GPSM3: variants seen among roughly 807,000 people sequenced by gnomAD.
GPSM3 encodes G protein signaling modulator 3.
A neutral mutation model predicts 20.4 loss-of-function variants in GPSM3; 16 were observed. The ratio of observed to expected loss-of-function variants is 0.78; its 90% CI spans 0.53 to 1.19. GPSM3 has a LOEUF of 1.19. GPSM3 is among the 50% of genes most tolerant of loss of function. The probability of loss-of-function intolerance (pLI) is 0.00; values close to 1 mark genes in which losing one functional copy is unlikely to be tolerated. For synonymous variants in GPSM3, 70 were observed against 79.6 expected, an observed-to-expected ratio of 0.88 and a Z score of 0.64; for missense variants, 177 against 204.6, an observed-to-expected ratio of 0.86 and a Z score of 0.82.
At position 32,192,392 on chromosome 6, in the gene GPSM3, TGTCCCTACATTTCTGCCCCAG is replaced by T; in HGVS notation, c.42+59_42+79del. The stretch of plus-strand genomic sequence containing the variant: ...TTGCCCAAGCCTTTCAAGGCCCCTG[TGTCCCTACATTTCTGCCCCAG>T]GTCCTCTCACCTCCCTTCTTTCCCA... On this transcript the variant is annotated intron_variant, in intron 1 of 3. Coordinates refer to ENST00000375040, the MANE Select transcript of GPSM3 (RefSeq NM_001276501.2). This position sits in a 1 kb window ranked among gnomAD's most constrained non-coding sequence, Gnocchi z 5.1. 36 of 1,474,846 alleles carry T rather than the reference TGTCCCTACATTTCTGCCCCAG, an allele frequency of 2.4e-5. No homozygotes were observed. The highest frequency in any genetic ancestry group is 3.2e-5 in the Non-Finnish European group (35 of 1,079,154). 91.4% of individuals were successfully genotyped at this position (1,474,846 alleles called of 1,614,324 possible). A position where few individuals can be genotyped will look rare whatever the true frequency, so the allele number is the denominator to read the frequency against.
rs975485010 is a variant in GPSM3 at position 32,191,496 on chromosome 6, C to T, written c.353G>A (p.Arg118Gln). Residue 118 changes from arginine (R) to glutamine (Q), a missense_variant, in exon 4 of 4, where the codon CGG becomes CAG. Arg to Gln is a conservative substitution (Grantham distance 43). Coordinates refer to ENST00000375040, the MANE Select transcript of GPSM3 (RefSeq NM_001276501.2). This position sits in a 1 kb window ranked among gnomAD's most constrained non-coding sequence, Gnocchi z 5.9. ...YSTILSHQCQ[R>Q]MEAQRSEPPL... ...AGGCTCTGACCGCTGGGCTTCCATC[C>T]GCTGGCACTGGAGGAGTGGAGGGAG... 4.5e-6 allele frequency: 7 copies of T among 1,559,764 alleles called. No homozygotes were observed. The highest frequency in any genetic ancestry group is 2.3e-5 in the East Asian group (1 of 43,788).
rs745800137 is a variant in GPSM3 at position 32,191,696 on chromosome 6, G to A, written c.345+13C>T. The A allele has an allele frequency of 7.5e-5, 119 of 1,589,624 alleles. No homozygotes were observed. The highest frequency in any genetic ancestry group is 9.4e-5 in the Non-Finnish European group (109 of 1,164,516). On this transcript the variant is annotated intron_variant, in intron 3 of 3. Transcript: ENST00000375040. This position sits in a 1 kb window ranked among gnomAD's most constrained non-coding sequence, Gnocchi z 5.9. ...CAGGAGGCCTGGGTTTGCCTCCTGG[G>A]GGGATGTCTTACCTGGTGACTGAGG...
chr6:32,191,571 A>C lies in GPSM3; in HGVS notation c.346-68T>G, dbSNP rs1787515084. On this transcript the variant is annotated intron_variant, in intron 3 of 3. Coordinates refer to ENST00000375040, the MANE Select transcript of GPSM3 (RefSeq NM_001276501.2). The surrounding 1 kb of genome is among the most constrained non-coding windows in gnomAD (Gnocchi z 5.9). The stretch of plus-strand genomic sequence containing the variant: ...AGAGGAGGAGGTTCTTGAGAGGATC[A>C]AGGGTTGGTATGGGGAGGCATATAG... 1.3e-6 allele frequency: 2 copies of C among 1,514,918 alleles called. No individual in the cohort carries two copies. Among genetic ancestry groups the C allele is most frequent in the South Asian group, 2.6e-5 (2 of 76,050 alleles). The allele number at this position is 1,514,918 out of a possible 1,614,324, so 93.8% of individuals were successfully genotyped here.
Position 32,192,277 on chromosome 6 carries a change from TCAAGC to T in GPSM3, c.43-32_43-28del. ...TGATGCCAAAATATGTCCATTCTAG[TCAAGC>T]AGTGGTGGTTGAAGCGGGAGGAGTG... On this transcript the variant is annotated intron_variant, in intron 1 of 3. Coordinates refer to ENST00000375040, the MANE Select transcript of GPSM3 (RefSeq NM_001276501.2). This position sits in a 1 kb window ranked among gnomAD's most constrained non-coding sequence, Gnocchi z 5.1. The T allele has an allele frequency of 6.6e-7, 1 of 1,503,966 alleles. No homozygotes were observed. The allele number at this position is 1,503,966 out of a possible 1,614,324, so 93.2% of individuals were successfully genotyped here.
At position 32,192,331 on chromosome 6, in the gene GPSM3, C is replaced by T. The variant is rs545169802; in HGVS notation, c.43-81G>A. 17 of 1,346,710 alleles carry T rather than the reference C, an allele frequency of 1.3e-5. No homozygotes were observed. The highest frequency in any genetic ancestry group is 2.4e-5 in the East Asian group (1 of 40,984). The allele number at this position is 1,346,710 out of a possible 1,614,324, so 83.4% of individuals were successfully genotyped here. On this transcript the variant is annotated intron_variant, in intron 1 of 3. Transcript: ENST00000375040. This position sits in a 1 kb window ranked among gnomAD's most constrained non-coding sequence, Gnocchi z 5.1. ...TGGACAGGGGGCTAGGCCAGTGGCC[C>T]GTTTCCTCTCTGTGTGTCTCTGTTC...
chr6:32,192,687 C>A, upstream of GPSM3: 1 of 469,492 alleles, frequency 2.1e-6, no homozygotes, highest in Non-Finnish European at 3.8e-6. This position sits in a 1 kb window ranked among gnomAD's most constrained non-coding sequence, Gnocchi z 5.1. Flanking sequence ...ACGGGCCCCG[C>A]CCATCCCTGT....
Position 32,191,455 on chromosome 6 carries a change from C to A in GPSM3, c.394G>T (p.Gly132Trp). ...QRSEPPLPPG[G>W]QELLELLLRV... ...AGCAGCAACTCCAGGAGCTCTTGCC[C>A]CCCTGGAGGGAGGGGAGGCTCTGAC... is the stretch of plus-strand genomic sequence containing the variant. The change falls in exon 4 of 4, where the codon GGG becomes TGG. Residue 132 changes from glycine (G) to tryptophan (W), a missense_variant. Transcript: ENST00000375040. The surrounding 1 kb of genome is among the most constrained non-coding windows in gnomAD (Gnocchi z 5.9). 3 of 1,587,518 alleles carry A rather than the reference C, an allele frequency of 1.9e-6. No individual in the cohort carries two copies. The highest frequency in any genetic ancestry group is 2.6e-6 in the Non-Finnish European group (3 of 1,168,480).
chr6:32,191,409 C>T lies in GPSM3; in HGVS notation c.440G>A (p.Arg147Gln), dbSNP rs771764802. 1.3e-6 allele frequency: 2 copies of T among 1,590,350 alleles called. No individual in the cohort carries two copies. Among genetic ancestry groups the T allele is most frequent in the Non-Finnish European group, 1.7e-6 (2 of 1,171,222 alleles). ...GGGCCGGGACCTTTGCTCCTCCATTCGACCCCCACCCTGAACTCTCAGCAG... is the reference window on the plus strand; with the variant it reads ...GGGCCGGGACCTTTGCTCCTCCATTTGACCCCCACCCTGAACTCTCAGCAG... ...ELLLRVQGGG[R>Q]MEEQRSRPPT... The change falls in exon 4 of 4, where the codon CGA (arginine) becomes CAA (glutamine). Residue 147 changes from arginine (R) to glutamine (Q), a missense_variant. Physicochemically the swap from Arg to Gln is conservative, Grantham distance 43. Transcript: ENST00000375040. The surrounding 1 kb of genome is among the most constrained non-coding windows in gnomAD (Gnocchi z 5.9).
Position 32,191,267 on chromosome 6 carries a change from T to C in GPSM3, c.*99A>G. 7.3e-7 allele frequency: 1 copy of C among 1,371,172 alleles called. No homozygotes were observed. 84.9% of individuals were successfully genotyped at this position (1,371,172 alleles called of 1,614,324 possible). On this transcript the variant is annotated 3_prime_UTR_variant, in exon 4 of 4. Coordinates refer to ENST00000375040, the MANE Select transcript of GPSM3 (RefSeq NM_001276501.2). The surrounding 1 kb of genome is among the most constrained non-coding windows in gnomAD (Gnocchi z 5.9). ...AATATTGAGATTTGTGCCGTGTCTT[T>C]CAGTCTCTGGTACCCCTGCCAAGCA...
Position 32,191,439 on chromosome 6 carries a change from TC to T in GPSM3, c.409del (p.Glu137SerfsTer4). ...CCCACCCTGAACTCTCAGCAGCAAC[TC>T]CAGGAGCTCTTGCCCCCCTGGAGGG... The part of the protein sequence containing the change: ...PLPPGGQELL[E>X]LLLRVQGGGR... On this transcript the variant is annotated frameshift_variant, in exon 4 of 4. Coordinates refer to ENST00000375040, the MANE Select transcript of GPSM3 (RefSeq NM_001276501.2). LOFTEE classifies it high-confidence loss of function. The surrounding 1 kb of genome is among the most constrained non-coding windows in gnomAD (Gnocchi z 5.9). The T allele has an allele frequency of 6.3e-7, 1 of 1,593,296 alleles. No homozygotes were observed. Among genetic ancestry groups the T allele is most frequent in the Non-Finnish European group, 8.5e-7 (1 of 1,171,322 alleles).
At position 32,192,544 on chromosome 6, in the gene GPSM3, G is replaced by A. The variant is rs781350235; in HGVS notation, c.-31C>T. 3.2e-6 allele frequency: 5 copies of A among 1,564,890 alleles called. No homozygotes were observed. The highest frequency in any genetic ancestry group is 1.9e-5 in the Admixed American group (1 of 53,688). ...AGAGGGGAGAAACTGGTGGGGGAGG[G>A]GTGGCTGGGATTTGGGAGGAGGGCT... On this transcript the variant is annotated 5_prime_UTR_variant, in exon 1 of 4. Transcript: ENST00000375040. This position sits in a 1 kb window ranked among gnomAD's most constrained non-coding sequence, Gnocchi z 5.1.
chr6:32,194,107 A>G (rs1385382296), upstream of GPSM3, among the ~76,000 whole-genome samples: 1 of 152,204 alleles, frequency 6.6e-6, no homozygotes, highest in Non-Finnish European at 1.5e-5. The surrounding 1 kb of genome is among the most constrained non-coding windows in gnomAD (Gnocchi z 4.5). Flanking sequence ...TACTTAATAA[A>G]CTGTAGATAT....
chr6:32,195,241 A>G, upstream of GPSM3: 1 of 595,362 alleles, frequency 1.7e-6, no homozygotes, highest in Non-Finnish European at 2.9e-6. This position sits in a 1 kb window ranked among gnomAD's most constrained non-coding sequence, Gnocchi z 5.4. Flanking sequence ...TCATCCTAGC[A>G]TCTTAAACCC....
chr6:32,195,366 A>G, upstream of GPSM3: 1 of 1,446,506 alleles, frequency 6.9e-7, no homozygotes, highest in Non-Finnish European at 9.3e-7. The surrounding 1 kb of genome is among the most constrained non-coding windows in gnomAD (Gnocchi z 5.4). Flanking sequence ...CCATCTTAAA[A>G]CCAGGAAGGC....
chr6:32,191,356 G>A lies in GPSM3; in HGVS notation c.*10C>T. The A allele has an allele frequency of 6.4e-7, 1 of 1,574,580 alleles. No homozygotes were observed. Among genetic ancestry groups the A allele is most frequent in the Non-Finnish European group, 8.6e-7 (1 of 1,166,402 alleles). On this transcript the variant is annotated 3_prime_UTR_variant, in exon 4 of 4. Coordinates refer to ENST00000375040, the MANE Select transcript of GPSM3 (RefSeq NM_001276501.2). This position sits in a 1 kb window ranked among gnomAD's most constrained non-coding sequence, Gnocchi z 5.9. ...CCAGTGGCAAGGAAGGGCTGGTTGG[G>A]GCTCAAGTCTCAGCAGGTGTGTGTG...
rs764194662 is a variant in GPSM3, at chr6:32,191,335, T to A, written c.*31A>T. On this transcript the variant is annotated 3_prime_UTR_variant, in exon 4 of 4. Transcript: ENST00000375040. This position sits in a 1 kb window ranked among gnomAD's most constrained non-coding sequence, Gnocchi z 5.9. ...ATGGGCTGCCCAGCTTTGAGACCAGTGGCAAGGAAGGGCTGGTTGGGGCTC... is the reference window on the plus strand; with the variant it reads ...ATGGGCTGCCCAGCTTTGAGACCAGAGGCAAGGAAGGGCTGGTTGGGGCTC... 1 of 1,569,694 alleles carries A rather than the reference T, an allele frequency of 6.4e-7. No homozygotes were observed. Among genetic ancestry groups the A allele is most frequent in the South Asian group, 1.2e-5 (1 of 84,142 alleles).
At chr6:32,193,095 T>C (rs1225850368), upstream of GPSM3, 1 of 152,970 alleles carries the variant, frequency 6.5e-6, no homozygotes, top group African/African-American at 2.4e-5. This position sits in a 1 kb window ranked among gnomAD's most constrained non-coding sequence, Gnocchi z 4.7. Context: ...GATCCAGGGA[T>C]GTGGAGCTCT....
At chr6:32,195,367 C>G (rs1052311623), upstream of GPSM3, 56 of 1,442,644 alleles carry the variant, frequency 3.9e-5, no homozygotes, top group African/African-American at 5.4e-4. This position sits in a 1 kb window ranked among gnomAD's most constrained non-coding sequence, Gnocchi z 5.4. Flanking sequence ...CATCTTAAAA[C>G]CAGGAAGGCC....
chr6:32,193,414 T>C (rs1787668371), upstream of GPSM3, among the ~76,000 whole-genome samples: 1 of 152,076 alleles, frequency 6.6e-6, no homozygotes, highest in African/African-American at 2.4e-5. The surrounding 1 kb of genome is among the most constrained non-coding windows in gnomAD (Gnocchi z 4.7). Flanking sequence ...GCAGGAGAAT[T>C]GCTTGAACCC....
Sources: allele counts gnomAD v4.1 joint callset (sites outside exome capture counted in the v4.1 genomes callset), GRCh38; gene constraint gnomAD v4.1.1; non-coding constraint Gnocchi (gnomAD v3.1); transcripts MANE v1.5; gene names NCBI Gene and HGNC (gene_info 2026-07-23, HGNC 2026-07-21).